The following DNAJC6 variants were observed in gnomAD, a reference collection of about 807,000 sequenced individuals.
DNAJC6 encodes auxilin.
In DNAJC6, 34 loss-of-function variants were observed where a neutral mutation model predicts 110.0. The observed-to-expected ratio is 0.31, with a 90% CI of 0.24 to 0.41. The LOEUF (loss-of-function observed/expected upper bound fraction) is 0.41, where lower values mean the gene tolerates loss of function less well. Ranked by LOEUF, DNAJC6 falls within the 10% of genes least tolerant of loss-of-function variation. DNAJC6 has a pLI of 1.00. For missense variants in DNAJC6, 1,031 were observed against 1,207.8 expected, an observed-to-expected ratio of 0.85 and a Z score of 2.17; for synonymous variants, 406 against 437.2, an observed-to-expected ratio of 0.93 and a Z score of 0.89.
At chr1:65,305,651 A>G (rs1047914856), upstream of DNAJC6, among the ~76,000 whole-genome samples, 1 of 152,210 alleles carries the variant, frequency 6.6e-6, no homozygotes, top group Admixed American at 6.5e-5. Flanking sequence ...TGAACAAAAC[A>G]TGGATTTTTG....
intron 1 of DNAJC6, chr1:65,278,890 C>A: frequency 1.1e-6 from 1 of 881,748 alleles, no homozygotes; most frequent in Non-Finnish European, 1.4e-6. Context: ...CATGCGCTAA[C>A]ATTGGAGCTG....
chr1:65,400,616 C>T (rs1646022066), intron 14 of DNAJC6, among the ~76,000 whole-genome samples: 1 of 152,194 alleles, frequency 6.6e-6, no homozygotes, highest in Non-Finnish European at 1.5e-5. Flanking sequence ...TTTCACGTAA[C>T]ATAATGCTCT....
intron 1 of DNAJC6, among the ~76,000 whole-genome samples, chr1:65,336,072 A>G (rs1645333018): frequency 6.6e-6 from 1 of 152,206 alleles, no homozygotes. Context: ...CATGCTACTA[A>G]TAAAGACATA....
chr1:65,309,647 A>G lies in DNAJC6; in HGVS notation c.-99A>G. Reference sequence around the variant, plus strand: ...CTCTTTGCGTCATGTCGGGCACTTAATTTTTTTTTTTTTTTAATTCCTTCT... The same window carrying G: ...CTCTTTGCGTCATGTCGGGCACTTAGTTTTTTTTTTTTTTTAATTCCTTCT... On this transcript the variant is annotated 5_prime_UTR_variant, in exon 1 of 19. The change abolishes the stop of an existing upstream ORF in the 5' untranslated region. Coordinates refer to ENST00000371069, the MANE Select transcript of DNAJC6 (RefSeq NM_001256864.2). 1.7e-6 allele frequency: 2 copies of G among 1,198,906 alleles called. No homozygotes were observed. Among genetic ancestry groups the G allele is most frequent in the Non-Finnish European group, 2.2e-6 (2 of 922,094 alleles). The allele number at this position is 1,198,906 out of a possible 1,614,324, so 74.3% of individuals were successfully genotyped here. A position where few individuals can be genotyped will look rare whatever the true frequency, so the allele number is the denominator to read the frequency against.
intron 1 of DNAJC6, among the ~76,000 whole-genome samples, chr1:65,354,617 T>C (rs1383393753): frequency 1.3e-5 from 2 of 152,206 alleles, no homozygotes; most frequent in Non-Finnish European, 2.9e-5. Flanking sequence ...TGAGCCATCA[T>C]AGTCTAGTAT....
At chr1:65,348,080 A>G (rs989299390) in intron 1 of DNAJC6, among the ~76,000 whole-genome samples, 1 of 152,152 alleles carries the variant, frequency 6.6e-6, no homozygotes, top group Non-Finnish European at 1.5e-5. Context: ...GGGACACACC[A>G]TTTGCAGTTA....
chr1:65,330,938 A>C (rs1222959888), intron 1 of DNAJC6, among the ~76,000 whole-genome samples: 2 of 152,202 alleles, frequency 1.3e-5, no homozygotes, highest in Non-Finnish European at 2.9e-5. Context: ...GCCAATGTGA[A>C]GGCGAGGGAA....
chr1:65,330,246 G>A (rs953869842), intron 1 of DNAJC6, among the ~76,000 whole-genome samples: 3 of 152,070 alleles, frequency 2.0e-5, no homozygotes, highest in Admixed American at 6.5e-5. Context: ...TTCCAAATTC[G>A]GGTTGATTGC....
chr1:65,364,890 T>C, intron 2 of DNAJC6, 105 bp downstream of exon 2: 1 of 1,429,482 alleles, frequency 7.0e-7, no homozygotes, highest in South Asian at 1.3e-5. Context: ...TTTTGGGATA[T>C]AATTTTATGG....
intron 1 of DNAJC6, among the ~76,000 whole-genome samples, chr1:65,352,668 G>A (rs899952244): frequency 2.0e-5 from 3 of 152,096 alleles, no homozygotes; most frequent in East Asian, 3.9e-4. Flanking sequence ...TCTTGTAAAC[G>A]ACAAACAATA....
intron 1 of DNAJC6, among the ~76,000 whole-genome samples, chr1:65,267,644 T>C (rs1420238799): frequency 6.6e-6 from 1 of 150,502 alleles, no homozygotes; most frequent in Admixed American, 6.7e-5. Context: ...TTTCAAGGAG[T>C]CTGTGAAATG....
chr1:65,367,666 A>G (rs1033131825), intron 4 of DNAJC6, among the ~76,000 whole-genome samples: 4 of 152,212 alleles, frequency 2.6e-5, no homozygotes, highest in Non-Finnish European at 1.5e-5. Flanking sequence ...ATATGATATC[A>G]TTATAGAAGC....
At chr1:65,309,987 G>A (rs1645083018) in intron 1 of DNAJC6, 49 bp downstream of exon 1, 1 of 1,362,244 alleles carries the variant, frequency 7.3e-7, no homozygotes, top group Non-Finnish European at 9.4e-7. Flanking sequence ...GCGGCCTCCG[G>A]AGCCTCCCAG....
rs1468056798 is a variant in DNAJC6 at position 65,266,425 on chromosome 1, T to A, written c.-131+1493T>A. On this transcript the variant is annotated intron_variant, in intron 1 of 19. Coordinates refer to the DNAJC6 transcript ENST00000263441. ...GTAGCTGGTGGTGTTTGTATTAACA[T>A]CTCATAGGCTCTGGATCATTCACAG... 3.9e-5 allele frequency among the ~76,000 whole-genome samples: 6 copies of A among 152,196 alleles called. No homozygotes were observed. The East Asian group carries it at 1.2e-3, about 29-fold the overall frequency.
intron 9 of DNAJC6, 77 bp from the exon 10 acceptor site, chr1:65,389,179 A>G: frequency 7.4e-7 from 1 of 1,348,558 alleles, no homozygotes; most frequent in Non-Finnish European, 1.0e-6. Context: ...GAGTCAACCT[A>G]AGATGACTTC....
intron 1 of DNAJC6, among the ~76,000 whole-genome samples, chr1:65,266,003 C>T (rs1203257237): frequency 1.3e-5 from 2 of 152,348 alleles, no homozygotes; most frequent in East Asian, 1.9e-4. Context: ...AAGGAGGCCC[C>T]GGCGCTTGCC....
intron 1 of DNAJC6, among the ~76,000 whole-genome samples, chr1:65,362,692 A>T (rs987939041): frequency 1.1e-4 from 17 of 152,326 alleles, no homozygotes; most frequent in African/African-American, 3.8e-4. Flanking sequence ...AGCTAGGGGT[A>T]GCAAAGCTGG....
chr1:65,392,759 A>G lies in DNAJC6; in HGVS notation c.1797A>G (p.Ser599=). ...CTGGTCCCACCCAGGCTGGACAGTCAGGAGTGGAAGATGTGTTTCATCCTA... is the reference window on the plus strand; with the variant it reads ...CTGGTCCCACCCAGGCTGGACAGTCGGGAGTGGAAGATGTGTTTCATCCTA... ...GAAGPTQAGQ[S]GVEDVFHPSG... is the part of the protein sequence containing the mutation. The change falls in exon 12 of 19, where the codon TCA becomes TCG. Residue 599 remains serine (S), a synonymous_variant. Coordinates refer to ENST00000371069, the MANE Select transcript of DNAJC6 (RefSeq NM_001256864.2). The G allele has an allele frequency of 1.9e-6, 3 of 1,612,534 alleles. No homozygotes were observed. The highest frequency in any genetic ancestry group is 2.5e-6 in the Non-Finnish European group (3 of 1,179,292).
chr1:65,299,158 T>G (rs939142932), intron 1 of DNAJC6, among the ~76,000 whole-genome samples: 5 of 152,210 alleles, frequency 3.3e-5, no homozygotes, highest in African/African-American at 1.2e-4. Context: ...AAAGATAGAA[T>G]AATAAAATAA....
Sources: allele counts gnomAD v4.1 joint callset (sites outside exome capture counted in the v4.1 genomes callset), GRCh38; gene constraint gnomAD v4.1.1; transcripts MANE v1.5; gene names NCBI Gene and HGNC (gene_info 2026-07-23, HGNC 2026-07-21).